The following C12orf42 variants were observed in gnomAD, a reference collection of about 807,000 sequenced individuals.
The protein encoded by C12orf42 is chromosome 12 open reading frame 42, also known as uncharacterized protein C12orf42.
In C12orf42, 25 loss-of-function variants were observed where a neutral mutation model predicts 21.6. The observed-to-expected ratio is 1.16, with a 90% CI of 0.84 to 1.62. C12orf42 has a LOEUF of 1.62. Ranked by LOEUF, C12orf42 falls within the 40% of genes most tolerant of loss-of-function variation. C12orf42 has a pLI of 0.00. For synonymous variants in C12orf42, 174 were observed against 175.0 expected (o/e 0.99, Z 0.05); for missense variants, 483 against 459.3 (o/e 1.05, Z -0.47).
chr12:103,201,462 T>C, the C12orf42 span, among the ~76,000 whole-genome samples: 9 of 152,140 alleles, frequency 5.9e-5, no homozygotes, highest in South Asian at 2.1e-4. Context: ...TGGTTCATTG[T>C]TGTTGCATAG....
At chr12:103,240,071 C>G (rs2033660058) in intron 10 of C12orf42, among the ~76,000 whole-genome samples, 1 of 152,190 alleles carries the variant, frequency 6.6e-6, no homozygotes, top group Non-Finnish European at 1.5e-5. Context: ...ATTAACACCA[C>G]TAAGCATTTA....
the C12orf42 span, among the ~76,000 whole-genome samples, chr12:103,199,901 C>A: frequency 1.3e-5 from 2 of 151,970 alleles, no homozygotes; most frequent in Non-Finnish European, 2.9e-5. Flanking sequence ...ATTGGTACAG[C>A]CAATTCAGAA....
intron 3 of C12orf42, among the ~76,000 whole-genome samples, chr12:103,394,989 G>A (rs1306875952): frequency 6.6e-6 from 1 of 152,208 alleles, no homozygotes; most frequent in Non-Finnish European, 1.5e-5. Context: ...TACCTGCAAA[G>A]TACTCACTTA....
chr12:103,503,123 C>T, the C12orf42 span, among the ~76,000 whole-genome samples: 1 of 152,224 alleles, frequency 6.6e-6, no homozygotes, highest in Non-Finnish European at 1.5e-5. Flanking sequence ...GAAGAATGGA[C>T]AGCTAAAGGA....
chr12:103,326,473 A>G (rs1351704686), intron 4 of C12orf42, among the ~76,000 whole-genome samples: 1 of 152,106 alleles, frequency 6.6e-6, no homozygotes, highest in Non-Finnish European at 1.5e-5. Context: ...AAAAATTAAG[A>G]TTTATTTTTA....
chr12:103,079,393 T>C, the C12orf42 span, among the ~76,000 whole-genome samples: 1 of 152,068 alleles, frequency 6.6e-6, no homozygotes, highest in African/African-American at 2.4e-5. Context: ...AGTGTATAGG[T>C]CAAAAGCAAA....
chr12:103,335,610 G>A (rs1380782599), intron 4 of C12orf42, among the ~76,000 whole-genome samples: 2 of 152,124 alleles, frequency 1.3e-5, no homozygotes, highest in Non-Finnish European at 2.9e-5. Flanking sequence ...CACATTCTCT[G>A]CCTGCAGACA....
the C12orf42 span, among the ~76,000 whole-genome samples, chr12:103,061,887 G>T: frequency 1.3e-5 from 2 of 150,786 alleles, no homozygotes; most frequent in African/African-American, 2.4e-5. Context: ...CATTTTGTTA[G>T]TTTTCTCCTG....
chr12:103,307,259 T>C (rs563302402), intron 4 of C12orf42, among the ~76,000 whole-genome samples: 7 of 152,294 alleles, frequency 4.6e-5, no homozygotes, highest in Non-Finnish European at 8.8e-5. Context: ...TAGCCCAATA[T>C]TGACTGCTGA....
chr12:103,177,075 T>C, the C12orf42 span, among the ~76,000 whole-genome samples: 4 of 152,144 alleles, frequency 2.6e-5, no homozygotes, highest in Admixed American at 1.3e-4. Context: ...TATTCTTCTG[T>C]TAGGATAGCA....
chr12:103,169,934 T>C, the C12orf42 span, among the ~76,000 whole-genome samples: 4 of 152,066 alleles, frequency 2.6e-5, no homozygotes, highest in African/African-American at 9.7e-5. Context: ...ACTAAGGAGC[T>C]CCCATTGAGC....
chr12:103,433,084 C>G (rs1310325557), intron 2 of C12orf42, among the ~76,000 whole-genome samples: 1 of 152,152 alleles, frequency 6.6e-6, no homozygotes, highest in Non-Finnish European at 1.5e-5. Context: ...TAACTTACTC[C>G]TCTGTATTAT....
At chr12:103,315,808 A>G (rs1357807971) in intron 4 of C12orf42, among the ~76,000 whole-genome samples, 2 of 152,164 alleles carry the variant, frequency 1.3e-5, no homozygotes, top group African/African-American at 4.8e-5. Context: ...CATGGTGACT[A>G]CAGTTAATAA....
At chr12:103,511,048 T>C in the C12orf42 span, among the ~76,000 whole-genome samples, 1 of 152,128 alleles carries the variant, frequency 6.6e-6, no homozygotes, top group African/African-American at 2.4e-5. Flanking sequence ...CCATTCTAAC[T>C]CTCAAGAGGT....
intron 1 of C12orf42, among the ~76,000 whole-genome samples, chr12:103,495,444 T>C (rs1955465308): frequency 6.7e-6 from 1 of 149,622 alleles, no homozygotes; most frequent in African/African-American, 2.4e-5. Context: ...CCCTCCCCCT[T>C]CCTGTATTAG....
chr12:103,133,006 A>T, the C12orf42 span, among the ~76,000 whole-genome samples: 1 of 152,170 alleles, frequency 6.6e-6, no homozygotes, highest in Non-Finnish European at 1.5e-5. Context: ...TGGGGGCCTC[A>T]GGACAGGTCT....
intron 2 of C12orf42, among the ~76,000 whole-genome samples, chr12:103,442,325 G>C (rs1951295253): frequency 6.6e-6 from 1 of 152,098 alleles, no homozygotes; most frequent in African/African-American, 2.4e-5. Flanking sequence ...TCTACTTTTT[G>C]ATCTCACAAT....
intron 4 of C12orf42, among the ~76,000 whole-genome samples, chr12:103,351,828 T>A (rs2043123181): frequency 6.6e-6 from 1 of 152,116 alleles, no homozygotes; most frequent in South Asian, 2.1e-4. Context: ...TTAATTTCAG[T>A]CTATTGAGGA....
chr12:103,185,577 G>A, the C12orf42 span, among the ~76,000 whole-genome samples: 1 of 151,336 alleles, frequency 6.6e-6, no homozygotes, highest in East Asian at 1.9e-4. Flanking sequence ...ATGTGATATG[G>A]TTTGACTCTA....
Sources: gnomAD v4.1 joint callset for allele counts (sites outside exome capture counted in the v4.1 genomes callset) on GRCh38, gnomAD v4.1.1 for gene constraint, MANE v1.5 for transcripts, NCBI Gene and HGNC (gene_info 2026-07-23, HGNC 2026-07-21) for gene names.